PTPN21: variants seen among roughly 807,000 people sequenced by gnomAD.
PTPN21 encodes tyrosine-protein phosphatase non-receptor type 21.
Under a neutral mutation model 131.8 loss-of-function variants are expected in PTPN21, and 77 were observed. That is an observed-to-expected ratio of 0.58 (90% CI 0.49 to 0.71). The LOEUF is 0.71. Ranked by LOEUF, PTPN21 falls within the 30% of genes least tolerant of loss-of-function variation. The probability of loss-of-function intolerance (pLI) is 0.00; values close to 1 mark genes in which losing one functional copy is unlikely to be tolerated. For synonymous variants in PTPN21, 715 were observed against 621.3 expected (o/e 1.15, Z -2.24); for missense variants, 1,552 against 1,527.1 (o/e 1.02, Z -0.27).
chr14:88,548,470 A>G (rs996681331), intron 2 of PTPN21, among the ~76,000 whole-genome samples: 1 of 152,114 alleles, frequency 6.6e-6, no homozygotes, highest in African/African-American at 2.4e-5. Flanking sequence ...ACAGCTCAGA[A>G]TCAAATTCCC....
chr14:88,497,991 C>CT (rs2077948755), intron 8 of PTPN21, among the ~76,000 whole-genome samples: 1 of 151,874 alleles, frequency 6.6e-6, no homozygotes, highest in East Asian at 1.9e-4. Flanking sequence ...ATCCCAGCTA[C>CT]TTGGGAGGCT....
At chr14:88,498,071 A>C (rs1251360210) in intron 8 of PTPN21, among the ~76,000 whole-genome samples, 2 of 151,446 alleles carry the variant, frequency 1.3e-5, no homozygotes, top group South Asian at 2.1e-4. Context: ...ATTGCACTCC[A>C]GCGTGGGCAA....
Position 88,479,508 on chromosome 14 carries a change from GGCCACCTCGAT to G in PTPN21, c.1912_1922del (p.Ile638ArgfsTer57). 1 of 1,600,934 alleles carries G rather than the reference GGCCACCTCGAT, an allele frequency of 6.2e-7. No homozygotes were observed. Among genetic ancestry groups the G allele is most frequent in the Non-Finnish European group, 8.5e-7 (1 of 1,179,234 alleles). On this transcript the variant is annotated frameshift_variant, in exon 13 of 19. Coordinates refer to ENST00000556564, the MANE Select transcript of PTPN21 (RefSeq NM_007039.4). LOFTEE classifies it high-confidence loss of function. Reference sequence around the variant, plus strand: ...GGCCCTCCAGGCCGTGGCTGAGCCCGGCCACCTCGATGCTGTTCCGTTTGTGCAGCTGCGCG... The same window carrying G: ...GGCCCTCCAGGCCGTGGCTGAGCCCGGCTGTTCCGTTTGTGCAGCTGCGCG...
chr14:88,512,928 T>C (rs2078208066), intron 3 of PTPN21, among the ~76,000 whole-genome samples: 1 of 152,180 alleles, frequency 6.6e-6, no homozygotes, highest in Non-Finnish European at 1.5e-5. Flanking sequence ...CATTGCCCAC[T>C]GAGTTCAGAT....
rs147095453 is a variant in PTPN21, at chr14:88,479,992, G to A, written c.1439C>T (p.Ser480Leu). The change falls in exon 13 of 19, where the codon TCG becomes TTG. Residue 480 changes from serine to leucine, a missense_variant. Around this residue, in one of 4 missense-constraint regions of PTPN21, gnomAD observed 1,016 missense variants for 883.5 expected, o/e 1.15. Coordinates refer to ENST00000556564, the MANE Select transcript of PTPN21 (RefSeq NM_007039.4). Reference sequence around the variant, plus strand: ...CGCCGCGGGCCTGCTGTAGGCGTACGAGCTGCCGATGTTGAGGTTTCGCAG... The same window carrying A: ...CGCCGCGGGCCTGCTGTAGGCGTACAAGCTGCCGATGTTGAGGTTTCGCAG... ...HSLRNLNIGS[S>L]YAYSRPAALV... 1.7e-5 allele frequency: 28 copies of A among 1,612,010 alleles called. No homozygotes were observed. In the African/African-American group the frequency reaches 3.3e-4, roughly 19 times the overall value.
intron 1 of PTPN21, among the ~76,000 whole-genome samples, chr14:88,550,851 C>T (rs1034198496): frequency 2.6e-5 from 4 of 152,166 alleles, no homozygotes; most frequent in African/African-American, 9.7e-5. Context: ...ACTGGGCCAT[C>T]CTCAGGATTA....
At chr14:88,538,247 G>A (rs918938259) in intron 2 of PTPN21, among the ~76,000 whole-genome samples, 15 of 152,146 alleles carry the variant, frequency 9.9e-5, no homozygotes, top group East Asian at 5.8e-4. Flanking sequence ...GCACTTCAAC[G>A]GACTCACTGC....
At chr14:88,492,639 C>T (rs1016708151) in intron 10 of PTPN21, among the ~76,000 whole-genome samples, 4 of 152,186 alleles carry the variant, frequency 2.6e-5, no homozygotes, top group Admixed American at 2.0e-4. Context: ...TGCTCCTGCC[C>T]AGAGTTTCTC....
In PTPN21 at chr14:88,497,257, C is replaced by T; in HGVS notation, c.798G>A (p.Lys266=). 1 of 1,613,640 alleles carries T rather than the reference C, an allele frequency of 6.2e-7. No homozygotes were observed. The highest frequency in any genetic ancestry group is 1.7e-5 in the Admixed American group (1 of 60,018). The stretch of plus-strand genomic sequence containing the variant: ...TTGCCAGCTCTAATGCAAAAAAGGA[C>T]TTGTTGTGGGACATGTTGGCAATGT... The part of the protein sequence containing the change: ...WHDIANMSHN[K]SFFALELANK... Residue 266 remains lysine (K), a synonymous_variant, in exon 9 of 19, where the codon AAG becomes AAA. Transcript: ENST00000556564.
chr14:88,537,667 A>G (rs1490101979), intron 2 of PTPN21, among the ~76,000 whole-genome samples: 1 of 152,234 alleles, frequency 6.6e-6, no homozygotes, highest in African/African-American at 2.4e-5. Flanking sequence ...GATTAAGACA[A>G]TATCAACATG....
chr14:88,520,278 G>A (rs2078369133), intron 2 of PTPN21, among the ~76,000 whole-genome samples: 1 of 152,072 alleles, frequency 6.6e-6, no homozygotes, highest in Admixed American at 6.6e-5. Context: ...TTAGCCAGAT[G>A]TGGTAGCGTG....
rs1399045972 is a variant in PTPN21 at position 88,554,685 on chromosome 14, GCGCGCCCCGCTCA to G, written c.-250_-238del. On this transcript the variant is annotated 5_prime_UTR_variant, in exon 1 of 19. It removes the in-frame stop codon of an upstream open reading frame in the 5' UTR. Coordinates refer to ENST00000556564, the MANE Select transcript of PTPN21 (RefSeq NM_007039.4). ...CTCCCGCTCCCGCATCCTCGGGGCC[GCGCGCCCCGCTCA>G]GCGACCCGCCTCCCGGGGCCCCGCC... 6.7e-6 allele frequency: 1 copy of G among 148,364 alleles called. No homozygotes were observed. The highest frequency in any genetic ancestry group is 2.4e-5 in the African/African-American group (1 of 40,990). The allele number at this position is 148,364 out of a possible 1,614,324, so 9.2% of individuals were successfully genotyped here. A position where few individuals can be genotyped will look rare whatever the true frequency, so the allele number is the denominator to read the frequency against.
At chr14:88,549,754 A>C (rs1387834119) in intron 2 of PTPN21, among the ~76,000 whole-genome samples, 8 of 143,490 alleles carry the variant, frequency 5.6e-5, no homozygotes, top group Non-Finnish European at 1.1e-4. Context: ...ACCCACCACC[A>C]CGCCCAGCCA....
rs1039964253 is a variant in PTPN21 at position 88,521,664 on chromosome 14, G to A, written c.181-4403C>T. On this transcript the variant is annotated intron_variant, in intron 2 of 18. Coordinates refer to ENST00000556564, the MANE Select transcript of PTPN21 (RefSeq NM_007039.4). ...CTGACTTCATGATCTGCCCGCCTCGGCCTCCCAAAGTGCTGAGATTACAGG... is the reference window on the plus strand; with the variant it reads ...CTGACTTCATGATCTGCCCGCCTCGACCTCCCAAAGTGCTGAGATTACAGG... Among the ~76,000 whole-genome samples, 3 of 151,088 alleles carry A rather than the reference G, an allele frequency of 2.0e-5. 1 individual carries two copies. In the South Asian group the frequency reaches 6.3e-4, roughly 32 times the overall value.
At chr14:88,553,290 T>G (rs1422670354) in intron 1 of PTPN21, among the ~76,000 whole-genome samples, 1 of 152,178 alleles carries the variant, frequency 6.6e-6, no homozygotes, top group African/African-American at 2.4e-5. Context: ...CCAAGATCTA[T>G]CCATAAGAAT....
At chr14:88,526,800 AC>A (rs1334031663) in intron 2 of PTPN21, among the ~76,000 whole-genome samples, 1 of 151,962 alleles carries the variant, frequency 6.6e-6, no homozygotes, top group African/African-American at 2.4e-5. Flanking sequence ...TTTATCATTC[AC>A]CCCATTCCCA....
At chr14:88,508,077 A>ATAT in intron 3 of PTPN21, 57 bp from the exon 4 acceptor site, 1 of 899,862 alleles carries the variant, frequency 1.1e-6, no homozygotes, top group Non-Finnish European at 1.7e-6. Context: ...TTGAGATACA[A>ATAT]TGCATTTAAC....
intron 13 of PTPN21, among the ~76,000 whole-genome samples, chr14:88,476,677 G>A (rs1365985065): frequency 6.6e-6 from 1 of 152,102 alleles, no homozygotes; most frequent in East Asian, 1.9e-4. Context: ...TCCTGACCGT[G>A]GTCACAGAGA....
intron 2 of PTPN21, among the ~76,000 whole-genome samples, chr14:88,518,255 A>AATATATATATAT (rs1555388146): frequency 3.2e-4 from 6 of 18,666 alleles, no homozygotes; most frequent in African/African-American, 1.3e-3. Flanking sequence ...AAAAAAAAAA[A>AATATATATATAT]ATATATATAT....
Sources: allele counts gnomAD v4.1 joint callset (sites outside exome capture counted in the v4.1 genomes callset), GRCh38; gene constraint gnomAD v4.1.1; regional missense constraint gnomAD v4.1.1; transcripts MANE v1.5; gene names NCBI Gene and HGNC (gene_info 2026-07-23, HGNC 2026-07-21).